PROX1: variants seen among roughly 807,000 people sequenced by gnomAD.
PROX1 encodes prospero homeobox 1.
In PROX1, 7 loss-of-function variants were observed where a neutral mutation model predicts 58.8. The ratio of observed to expected loss-of-function variants is 0.12; its 90% CI spans 0.07 to 0.22. The LOEUF (loss-of-function observed/expected upper bound fraction) is 0.22. PROX1 is among the 10% of genes least tolerant of loss of function. The pLI is 1.00. For missense variants in PROX1, 675 were observed against 927.8 expected (o/e 0.73, Z 3.54); for synonymous variants, 350 against 358.3 (o/e 0.98, Z 0.26).
intron 3 of PROX1, among the ~76,000 whole-genome samples, chr1:214,011,124 A>C (rs571568078): frequency 2.5e-4 from 38 of 152,218 alleles, no homozygotes; most frequent in Non-Finnish European, 5.0e-4. Context: ...GTCATGTGGC[A>C]CATCACCTCT....
At chr1:213,986,792 C>T (rs567906031), upstream of PROX1, among the ~76,000 whole-genome samples, 1 of 152,238 alleles carries the variant, frequency 6.6e-6, no homozygotes, top group East Asian at 1.9e-4. Flanking sequence ...TTTACTGTGC[C>T]CGGTGAAAGG....
rs1664875545 is a variant in PROX1 at position 214,037,740 on chromosome 1, G to A, written c.*1906G>A. ...ACTCTACTAATGCACAGAGTCATTA[G>A]ATCCAATTTGTTATTTTTCTCACTT... On this transcript the variant is annotated 3_prime_UTR_variant, in exon 5 of 5. Coordinates refer to ENST00000366958, the MANE Select transcript of PROX1 (RefSeq NM_001270616.2). The A allele has an allele frequency of 6.6e-6, 1 of 152,166 alleles. No homozygotes were observed. Among genetic ancestry groups the A allele is most frequent in the Non-Finnish European group, 1.5e-5 (1 of 68,036 alleles). 9.4% of individuals were successfully genotyped at this position (152,166 alleles called of 1,614,324 possible). A position where few individuals can be genotyped will look rare whatever the true frequency, so the allele number is the denominator to read the frequency against.
At chr1:213,993,072 T>G (rs530660911) in intron 1 of PROX1, among the ~76,000 whole-genome samples, 63 of 152,300 alleles carry the variant, frequency 4.1e-4, no homozygotes, top group Admixed American at 9.8e-4. Flanking sequence ...TCTGCTATGT[T>G]AAGATATGCA....
At chr1:214,006,661 T>C (rs145214947) in intron 3 of PROX1, among the ~76,000 whole-genome samples, 1 of 152,270 alleles carries the variant, frequency 6.6e-6, no homozygotes, top group Non-Finnish European at 1.5e-5. Context: ...ACTGACCAGC[T>C]TCTAGAGTCT....
intron 4 of PROX1, 104 bp from the exon 5 acceptor site, chr1:214,035,545 G>A: frequency 8.5e-7 from 1 of 1,175,870 alleles, no homozygotes; most frequent in Non-Finnish European, 1.2e-6. Flanking sequence ...CAGGTGCCAT[G>A]TAAGCCCCTT....
intron 4 of PROX1, chr1:214,029,701 C>A (rs1664580142): frequency 6.6e-6 from 1 of 152,044 alleles, no homozygotes; most frequent in African/African-American, 2.4e-5. Context: ...TTTCGAGTTC[C>A]CTGAAACAAT....
At chr1:213,989,153 G>C (rs1662924292) in intron 1 of PROX1, among the ~76,000 whole-genome samples, 1 of 152,064 alleles carries the variant, frequency 6.6e-6, no homozygotes, top group South Asian at 2.1e-4. Flanking sequence ...GAGGAGAGAG[G>C]GAGGTGGGGG....
At chr1:214,026,932 T>C (rs1051576484) in intron 4 of PROX1, among the ~76,000 whole-genome samples, 1 of 152,182 alleles carries the variant, frequency 6.6e-6, no homozygotes, top group African/African-American at 2.4e-5. Flanking sequence ...CTGTTCATTC[T>C]TTTTATTACA....
chr1:214,007,174 C>T (rs1663746270), intron 3 of PROX1, among the ~76,000 whole-genome samples: 2 of 152,196 alleles, frequency 1.3e-5, no homozygotes, highest in Admixed American at 6.5e-5. Flanking sequence ...TCTAGAATGC[C>T]CCTAGCAATT....
intron 4 of PROX1, among the ~76,000 whole-genome samples, chr1:214,016,662 G>T (rs1176990557): frequency 6.6e-6 from 1 of 152,186 alleles, no homozygotes; most frequent in Admixed American, 6.5e-5. Flanking sequence ...ACACATGGCT[G>T]CCTGGAAACG....
chr1:214,022,896 G>A (rs1249039957), intron 4 of PROX1, among the ~76,000 whole-genome samples: 1 of 152,168 alleles, frequency 6.6e-6, no homozygotes, highest in East Asian at 1.9e-4. Flanking sequence ...TTTAAGCAGT[G>A]AGTATAGAGG....
chr1:214,013,990 C>A (rs1223330183), intron 4 of PROX1, among the ~76,000 whole-genome samples: 1 of 152,134 alleles, frequency 6.6e-6, no homozygotes. Context: ...TGCACACACG[C>A]GTACCGACCA....
chr1:213,994,799 A>ATCTATATC (rs1160511856), intron 1 of PROX1, among the ~76,000 whole-genome samples: 8 of 119,602 alleles, frequency 6.7e-5, no homozygotes, highest in African/African-American at 2.8e-4. Context: ...ATATATATAT[A>ATCTATATC]TATAAAGAGG....
In PROX1 at chr1:213,997,322, A is replaced by G; in HGVS notation, c.787A>G (p.Ser263Gly). ...GGAAAAGTTCTACCAAATCTATGAC[A>G]GCACTGATTCGGAAAATGATGAAGA... ...LQEKFYQIYD[S>G]TDSENDEDGN... The change falls in exon 2 of 5, where the codon AGC (serine) becomes GGC (glycine). Residue 263 changes from serine to glycine, a missense_variant. Physicochemically the swap from Ser to Gly is moderately conservative, Grantham distance 56. Transcript: ENST00000366958. This position sits in a 1 kb window ranked among gnomAD's most constrained non-coding sequence, Gnocchi z 7.1. 1.9e-6 allele frequency: 3 copies of G among 1,614,182 alleles called. No individual in the cohort carries two copies. Among genetic ancestry groups the G allele is most frequent in the Non-Finnish European group, 2.5e-6 (3 of 1,180,050 alleles).
upstream of PROX1, among the ~76,000 whole-genome samples, chr1:213,986,942 G>A (rs1236695134): frequency 2.0e-5 from 3 of 152,126 alleles, no homozygotes; most frequent in African/African-American, 7.2e-5. Context: ...AATTTTCTAG[G>A]GCTTTATTTT....
intron 3 of PROX1, among the ~76,000 whole-genome samples, chr1:214,006,426 C>T (rs923228783): frequency 2.0e-5 from 3 of 152,108 alleles, no homozygotes; most frequent in Admixed American, 1.3e-4. Flanking sequence ...TATCTTTCTC[C>T]TTCCCTGGCT....
rs745873660 is a variant in PROX1, at chr1:213,997,398, C to T, written c.863C>T (p.Ala288Val). ...CGCTCGGAGATCCTGGATGCCAGGG[C>T]CCAGGACTCTGTCGGAAGGTCAGAT... ...SMRSEILDAR[A>V]QDSVGRSDNE... Residue 288 changes from alanine to valine, a missense_variant, in exon 2 of 5, where the codon GCC (alanine) becomes GTC (valine). Ala to Val is a moderately conservative substitution (Grantham distance 64). Coordinates refer to ENST00000366958, the MANE Select transcript of PROX1 (RefSeq NM_001270616.2). This position sits in a 1 kb window ranked among gnomAD's most constrained non-coding sequence, Gnocchi z 7.1. 1.9e-6 allele frequency: 3 copies of T among 1,614,010 alleles called. No individual in the cohort carries two copies. The highest frequency in any genetic ancestry group is 1.1e-5 in the South Asian group (1 of 91,074).
At chr1:214,031,970 C>A (rs1201355569) in intron 4 of PROX1, among the ~76,000 whole-genome samples, 2 of 152,140 alleles carry the variant, frequency 1.3e-5, no homozygotes, top group Non-Finnish European at 2.9e-5. Context: ...TTTCTTTTGT[C>A]CAGTCCAGTC....
chr1:213,988,010 C>G lies in PROX1; in HGVS notation c.-541C>G, dbSNP rs929823301. The G allele has an allele frequency of 2.0e-5, 3 of 151,646 alleles. No homozygotes were observed. The highest frequency in any genetic ancestry group is 4.4e-5 in the Non-Finnish European group (3 of 67,978). The allele number at this position is 151,646 out of a possible 1,614,324, so 9.4% of individuals were successfully genotyped here. ...GCTCTGAAATAATACACCATTGCAG[C>G]CGGGGAAAGCAGAGCGGCGCAAAAG... On this transcript the variant is annotated 5_prime_UTR_variant, in exon 1 of 5. Transcript: ENST00000366958.
Sources: gnomAD v4.1 joint callset for allele counts (sites outside exome capture counted in the v4.1 genomes callset) on GRCh38, gnomAD v4.1.1 for gene constraint, Gnocchi (gnomAD v3.1) non-coding constraint, MANE v1.5 for transcripts, NCBI Gene and HGNC (gene_info 2026-07-23, HGNC 2026-07-21) for gene names.